The following GRIK4 variants were observed in gnomAD, a reference collection of about 807,000 sequenced individuals.
The protein encoded by GRIK4 is glutamate ionotropic receptor kainate type subunit 4.
In GRIK4, 40 loss-of-function variants were observed where a neutral mutation model predicts 104.9. The observed-to-expected ratio is 0.38, with a 90% CI of 0.30 to 0.50. GRIK4 has a LOEUF of 0.50. GRIK4 is among the 20% of genes least tolerant of loss of function. GRIK4 has a pLI of 0.93. For synonymous variants in GRIK4, 485 were observed against 524.9 expected (o/e 0.92, Z 1.04); for missense variants, 1,047 against 1,308.1 (o/e 0.80, Z 3.08).
At chr11:120,698,932 C>A (rs919582066) in intron 3 of GRIK4, among the ~76,000 whole-genome samples, 1 of 152,220 alleles carries the variant, frequency 6.6e-6, no homozygotes, top group African/African-American at 2.4e-5. Context: ...CCCTGTGAGG[C>A]CTAGCTCCAG....
At position 120,765,720 on chromosome 11, in the gene GRIK4, C is replaced by T. The variant is rs188864338; in HGVS notation, c.83-36973C>T. Among the ~76,000 whole-genome samples the T allele has an allele frequency of 1.3e-4, 20 of 152,250 alleles. No homozygotes were observed. In the East Asian group the frequency reaches 3.9e-3, roughly 29 times the overall value. The stretch of plus-strand genomic sequence containing the variant: ...TTTTCCTTCTAACAGTCAGGCCTCT[C>T]TTCTGCAAGTCTGCTGGAGGTCCAT... On this transcript the variant is annotated intron_variant, in intron 3 of 20. Coordinates refer to ENST00000527524, the MANE Select transcript of GRIK4 (RefSeq NM_014619.5).
chr11:120,847,577 T>C (rs893849054), intron 8 of GRIK4, among the ~76,000 whole-genome samples: 1 of 152,198 alleles, frequency 6.6e-6, no homozygotes, highest in Non-Finnish European at 1.5e-5. Flanking sequence ...AGTTAATGGC[T>C]CATGCATCCC....
Position 120,661,689 on chromosome 11 carries a change from C to T in GRIK4, c.82+1289C>T, listed in dbSNP as rs191216480. On this transcript the variant is annotated intron_variant, in intron 3 of 20. Coordinates refer to ENST00000527524, the MANE Select transcript of GRIK4 (RefSeq NM_014619.5). Reference sequence around the variant, plus strand: ...AGGGGTCACAGGCCGGAAGCCCAGCCTGCAGGTCTGTGAGCTGCTTCGTTT... The same window carrying T: ...AGGGGTCACAGGCCGGAAGCCCAGCTTGCAGGTCTGTGAGCTGCTTCGTTT... Among the ~76,000 whole-genome samples the T allele has an allele frequency of 7.9e-5, 12 of 152,300 alleles. No individual in the cohort carries two copies. In the East Asian group the frequency reaches 2.3e-3, roughly 29 times the overall value.
intron 13 of GRIK4, among the ~76,000 whole-genome samples, chr11:120,932,159 T>G (rs1294891619): frequency 3.2e-5 from 1 of 30,918 alleles, no homozygotes; most frequent in African/African-American, 2.0e-4. Flanking sequence ...ATTTTACAAT[T>G]TTTTTTTTTT....
intron 11 of GRIK4, among the ~76,000 whole-genome samples, chr11:120,897,625 A>AAAAAAAAAAAAAAAAAAAAAAAAC (rs1942620597): frequency 6.9e-6 from 1 of 144,064 alleles, no homozygotes; most frequent in Non-Finnish European, 1.5e-5. Context: ...AAAAAAAAAA[A>AAAAAAAAAAAAAAAAAAAAAAAAC]AAGAGTACAT....
At chr11:120,896,216 G>C (rs1371768061) in intron 11 of GRIK4, among the ~76,000 whole-genome samples, 1 of 152,228 alleles carries the variant, frequency 6.6e-6, no homozygotes, top group Non-Finnish European at 1.5e-5. Context: ...GACCAGGCAG[G>C]CTTCCTCAGG....
At chr11:120,933,300 A>T (rs2134615906) in intron 13 of GRIK4, among the ~76,000 whole-genome samples, 1 of 152,326 alleles carries the variant, frequency 6.6e-6, no homozygotes, top group Middle Eastern at 3.4e-3. Flanking sequence ...ACTCATCATA[A>T]GGTCTCCATA....
chr11:120,884,632 A>AC (rs200944759), intron 11 of GRIK4, among the ~76,000 whole-genome samples: 2,143 of 152,340 alleles, frequency 0.014, 54 homozygotes, highest in African/African-American at 0.048. Context: ...TCCACTTGGC[A>AC]GTGGCTCTGG....
intron 1 of GRIK4, among the ~76,000 whole-genome samples, chr11:120,580,822 G>C (rs1948572186): frequency 6.6e-6 from 1 of 152,086 alleles, no homozygotes; most frequent in Non-Finnish European, 1.5e-5. Flanking sequence ...TGTATGTTTA[G>C]CTTCCTAAGA....
intron 1 of GRIK4, among the ~76,000 whole-genome samples, chr11:120,532,443 G>A (rs2136082096): frequency 6.6e-6 from 1 of 152,214 alleles, no homozygotes; most frequent in Non-Finnish European, 1.5e-5. Flanking sequence ...AGGGGGAGAG[G>A]GTATTGTTTA....
intron 1 of GRIK4, among the ~76,000 whole-genome samples, chr11:120,563,797 G>T (rs1053647865): frequency 6.6e-6 from 1 of 152,148 alleles, no homozygotes; most frequent in Non-Finnish European, 1.5e-5. Context: ...GCTACCCAGG[G>T]CTCTGGAATC....
chr11:120,590,867 C>G (rs772195949), intron 1 of GRIK4, among the ~76,000 whole-genome samples: 3 of 152,108 alleles, frequency 2.0e-5, no homozygotes, highest in Admixed American at 6.5e-5. Context: ...CTCTGTCCTC[C>G]TGGCAGGTTA....
chr11:120,608,310 G>T (rs1002120137), intron 1 of GRIK4, among the ~76,000 whole-genome samples: 2 of 152,212 alleles, frequency 1.3e-5, no homozygotes, highest in South Asian at 4.1e-4. Context: ...AATGCAGTGA[G>T]ACCCCATCTA....
chr11:120,817,821 C>A (rs1028869311), intron 5 of GRIK4, among the ~76,000 whole-genome samples: 7 of 152,212 alleles, frequency 4.6e-5, no homozygotes, highest in African/African-American at 4.8e-5. Flanking sequence ...GCCCTCACCC[C>A]CTGTACGCAC....
intron 1 of GRIK4, among the ~76,000 whole-genome samples, chr11:120,604,996 G>A (rs998541755): frequency 1.3e-5 from 2 of 152,094 alleles, no homozygotes; most frequent in Admixed American, 6.6e-5. Flanking sequence ...CCGAGTAGCC[G>A]GGACCACTGG....
At chr11:120,660,425 G>T (rs750379066) in intron 3 of GRIK4, 25 bp downstream of exon 3, 1 of 1,549,918 alleles carries the variant, frequency 6.5e-7, no homozygotes. Context: ...GCTTGGGGCA[G>T]TGCCCCCACC....
At chr11:120,589,135 A>G (rs1296616147) in intron 1 of GRIK4, among the ~76,000 whole-genome samples, 2 of 152,180 alleles carry the variant, frequency 1.3e-5, no homozygotes, top group African/African-American at 2.4e-5. Flanking sequence ...GAGTGGTGAC[A>G]TGCACCAAGC....
chr11:120,536,235 G>C (rs1947972357), intron 1 of GRIK4, among the ~76,000 whole-genome samples: 2 of 152,200 alleles, frequency 1.3e-5, no homozygotes, highest in African/African-American at 4.8e-5. Flanking sequence ...TGAAGCAGAT[G>C]GTCCTGCAGC....
chr11:120,582,277 A>G (rs1233570021), intron 1 of GRIK4, among the ~76,000 whole-genome samples: 2 of 151,180 alleles, frequency 1.3e-5, no homozygotes, highest in African/African-American at 2.4e-5. Context: ...ATATATATAC[A>G]TATACATTAT....
Sources: allele counts gnomAD v4.1 joint callset (sites outside exome capture counted in the v4.1 genomes callset), GRCh38; gene constraint gnomAD v4.1.1; transcripts MANE v1.5; gene names NCBI Gene and HGNC (gene_info 2026-07-23, HGNC 2026-07-21).